The following ACTR3B variants were observed in gnomAD, a reference collection of about 807,000 sequenced individuals.
The protein encoded by ACTR3B is actin related protein 3B, also known as actin-related protein 3B.
Under a neutral mutation model 59.0 loss-of-function variants are expected in ACTR3B, and 8 were observed. That is an observed-to-expected ratio of 0.14 (90% confidence interval 0.08 to 0.24). The LOEUF (loss-of-function observed/expected upper bound fraction) is 0.24, where lower values mean the gene tolerates loss of function less well. Ranked by LOEUF, ACTR3B falls within the 10% of genes least tolerant of loss-of-function variation. The pLI, the probability that ACTR3B is intolerant of heterozygous loss-of-function variation, is 1.00. For missense variants in ACTR3B, 245 were observed against 552.3 expected (o/e 0.44, Z 5.58); for synonymous variants, 148 against 197.9 (o/e 0.75, Z 2.12).
At position 152,784,524 on chromosome 7, in the gene ACTR3B, A is replaced by G. The variant is rs530004335; in HGVS notation, c.100+1282A>G. 2.0e-5 allele frequency among the ~76,000 whole-genome samples: 3 copies of G among 152,292 alleles called. No homozygotes were observed. In the South Asian group the frequency reaches 6.2e-4, roughly 32 times the overall value. On this transcript the variant is annotated intron_variant, in intron 2 of 11. Coordinates refer to ENST00000256001, the MANE Select transcript of ACTR3B (RefSeq NM_020445.6). ...AACGCTCTGCTGCCATGAATGGGTT[A>G]TCCTGATGACAGGCATGATTGGTCT...
rs184298116 is a variant in ACTR3B at position 152,831,106 on chromosome 7, A to G, written c.951+5984A>G. Among the ~76,000 whole-genome samples, 781 of 152,242 alleles carry G rather than the reference A, an allele frequency of 5.1e-3. 3 individuals are homozygous for G. Among genetic ancestry groups the G allele is most frequent in the Non-Finnish European group, 5.1e-3 (347 of 68,034 alleles). On this transcript the variant is annotated intron_variant, in intron 9 of 11. Coordinates refer to ENST00000256001, the MANE Select transcript of ACTR3B (RefSeq NM_020445.6). ...CACACTAATATTCCTCATAACTTCT[A>G]TTTGATGCTTCCTGTTGATAAATCC... is the stretch of plus-strand genomic sequence containing the variant.
chr7:152,849,992 C>T, intron 9 of ACTR3B, among the ~76,000 whole-genome samples: 1 of 151,848 alleles, frequency 6.6e-6, no homozygotes, highest in African/African-American at 2.4e-5. Context: ...GGTGGAAGGC[C>T]AGCTTCTTCA....
chr7:152,766,795 C>T (rs1385099492), intron 1 of ACTR3B, among the ~76,000 whole-genome samples: 1 of 151,540 alleles, frequency 6.6e-6, no homozygotes, highest in Non-Finnish European at 1.5e-5. Context: ...TTTTTCTTTT[C>T]TGTTTTTTTG....
chr7:152,779,475 CT>C (rs1182266074), intron 1 of ACTR3B, among the ~76,000 whole-genome samples: 1 of 152,218 alleles, frequency 6.6e-6, no homozygotes, highest in African/African-American at 2.4e-5. Flanking sequence ...CCCGCCTCCC[CT>C]ATCCTCAGTC....
chr7:152,810,570 A>G (rs896997087), intron 4 of ACTR3B, among the ~76,000 whole-genome samples: 1 of 151,790 alleles, frequency 6.6e-6, no homozygotes, highest in African/African-American at 2.4e-5. Flanking sequence ...AGTAGCTGGG[A>G]CTACAGGCAC....
chr7:152,848,812 T>C (rs1473894037), intron 9 of ACTR3B, among the ~76,000 whole-genome samples: 2 of 152,160 alleles, frequency 1.3e-5, no homozygotes, highest in East Asian at 1.9e-4. Context: ...TAACCCTGTT[T>C]ACGTGATTTC....
At chr7:152,852,529 A>G (rs944035803) in intron 10 of ACTR3B, among the ~76,000 whole-genome samples, 8 of 152,142 alleles carry the variant, frequency 5.3e-5, no homozygotes, top group Non-Finnish European at 1.0e-4. Flanking sequence ...GTCGTAAGAG[A>G]TCAGGCATGG....
intron 2 of ACTR3B, among the ~76,000 whole-genome samples, chr7:152,794,821 G>A (rs1229272261): frequency 1.3e-5 from 2 of 152,068 alleles, no homozygotes; most frequent in African/African-American, 2.4e-5. Context: ...ATTTCAGCCC[G>A]TGTTTCCACT....
chr7:152,798,594 C>A (rs1453023929), intron 2 of ACTR3B, among the ~76,000 whole-genome samples: 37 of 152,252 alleles, frequency 2.4e-4, no homozygotes, highest in Non-Finnish European at 3.1e-4. Flanking sequence ...CCAAAAAAAT[C>A]CTTGCCCAGA....
chr7:152,825,721 G>A (rs1796517713), intron 9 of ACTR3B, among the ~76,000 whole-genome samples: 1 of 152,206 alleles, frequency 6.6e-6, no homozygotes, highest in African/African-American at 2.4e-5. Flanking sequence ...AGTAAGAGCG[G>A]TGCCCTCCCC....
At chr7:152,834,462 T>TA (rs1212559370) in intron 9 of ACTR3B, among the ~76,000 whole-genome samples, 1 of 152,226 alleles carries the variant, frequency 6.6e-6, no homozygotes, top group Non-Finnish European at 1.5e-5. Context: ...TTGTCGCTGT[T>TA]TATGTTATTA....
At chr7:152,788,231 C>T (rs1403854354) in intron 2 of ACTR3B, among the ~76,000 whole-genome samples, 1 of 151,952 alleles carries the variant, frequency 6.6e-6, no homozygotes, top group East Asian at 1.9e-4. Flanking sequence ...GCTGGAATTA[C>T]AGGTGTGAGC....
Position 152,823,436 on chromosome 7 carries a change from A to G in ACTR3B, c.779A>G (p.Asn260Ser), listed in dbSNP as rs200821493. 198 of 1,614,258 alleles carry G rather than the reference A, an allele frequency of 1.2e-4. No individual in the cohort carries two copies. In the East Asian group the frequency reaches 3.6e-3, roughly 30 times the overall value. Residue 260 changes from asparagine (N) to serine (S), a missense_variant, in exon 8 of 12, where the codon AAT (asparagine) becomes AGT (serine). Asn to Ser is a conservative substitution (Grantham distance 46). Coordinates refer to ENST00000256001, the MANE Select transcript of ACTR3B (RefSeq NM_020445.6). ...TGGATCAAACAGTACACGGGTATCA[A>G]TGCGATCAACCAGAAGAAGTTTGTT... Reference protein sequence around the residue: ...RKWIKQYTGINAINQKKFVID... With the variant: ...RKWIKQYTGISAINQKKFVID...
intron 9 of ACTR3B, among the ~76,000 whole-genome samples, chr7:152,845,507 G>A (rs1798199680): frequency 6.6e-6 from 1 of 152,228 alleles, no homozygotes; most frequent in African/African-American, 2.4e-5. Flanking sequence ...TCCGTGCTGA[G>A]CTGGACACTT....
chr7:152,810,129 T>C (rs961414381), intron 4 of ACTR3B, among the ~76,000 whole-genome samples: 2 of 151,844 alleles, frequency 1.3e-5, no homozygotes, highest in Non-Finnish European at 1.5e-5. Flanking sequence ...GTTTTTGAGA[T>C]GGAGTTAACT....
At chr7:152,820,557 A>G (rs1349379892) in intron 7 of ACTR3B, 115 bp downstream of exon 7, 23 of 1,464,850 alleles carry the variant, frequency 1.6e-5, no homozygotes, top group East Asian at 2.5e-5. Context: ...CTTCCCATGA[A>G]TGTGGGGCTT....
intron 1 of ACTR3B, among the ~76,000 whole-genome samples, chr7:152,764,484 A>G (rs1290768237): frequency 6.6e-6 from 1 of 151,924 alleles, no homozygotes; most frequent in Non-Finnish European, 1.5e-5. Flanking sequence ...AAAAAAAGAA[A>G]TACAAAAAAA....
chr7:152,806,898 A>G (rs1408496656), intron 4 of ACTR3B, among the ~76,000 whole-genome samples: 1 of 152,232 alleles, frequency 6.6e-6, no homozygotes, highest in Non-Finnish European at 1.5e-5. Context: ...TGCCTGTCAT[A>G]GTGGTGTCAC....
chr7:152,809,967 A>G (rs930883454), intron 4 of ACTR3B, among the ~76,000 whole-genome samples: 1 of 151,988 alleles, frequency 6.6e-6, no homozygotes, highest in Non-Finnish European at 1.5e-5. Context: ...TTTGTACCCT[A>G]TTAGCCATTT....
Sources: allele counts gnomAD v4.1 joint callset (sites outside exome capture counted in the v4.1 genomes callset), GRCh38; gene constraint gnomAD v4.1.1; transcripts MANE v1.5; gene names NCBI Gene and HGNC (gene_info 2026-07-23, HGNC 2026-07-21).